ASTN2: variants seen among roughly 807,000 people sequenced by gnomAD.
The protein encoded by ASTN2 is astrotactin 2.
Under a neutral mutation model 139.8 loss-of-function variants are expected in ASTN2, and 54 were observed. That is an observed-to-expected ratio of 0.39 (90% CI 0.31 to 0.48). The LOEUF (loss-of-function observed/expected upper bound fraction) is 0.48. Among genes scored for constraint, ASTN2 ranks in the 20% least tolerant of loss-of-function variants. The pLI is 0.95. For missense variants in ASTN2, 1,565 were observed against 1,725.1 expected, an observed-to-expected ratio of 0.91 and a Z score of 1.64; for synonymous variants, 756 against 719.5, an observed-to-expected ratio of 1.05 and a Z score of -0.81.
At chr9:117,196,576 G>T (rs550281100) in intron 3 of ASTN2, among the ~76,000 whole-genome samples, 1 of 152,008 alleles carries the variant, frequency 6.6e-6, no homozygotes, top group Non-Finnish European at 1.5e-5. Context: ...TATCACTGTC[G>T]GCCATTGCTG....
chr9:116,676,538 G>A (rs896643480), intron 16 of ASTN2, among the ~76,000 whole-genome samples: 16 of 152,166 alleles, frequency 1.1e-4, no homozygotes, highest in Non-Finnish European at 1.5e-4. Context: ...GTGTCCTTAA[G>A]AGCTCAACCT....
At chr9:117,343,975 G>A (rs1166527538) in intron 1 of ASTN2, among the ~76,000 whole-genome samples, 3 of 152,112 alleles carry the variant, frequency 2.0e-5, no homozygotes. Flanking sequence ...GGGGATGAAG[G>A]AGCTGGAAAT....
At chr9:116,797,174 C>T (rs1413663478) in intron 13 of ASTN2, among the ~76,000 whole-genome samples, 4 of 152,064 alleles carry the variant, frequency 2.6e-5, no homozygotes, top group South Asian at 4.2e-4. Context: ...TATCTATGGC[C>T]TTGACGGTGG....
intron 13 of ASTN2, among the ~76,000 whole-genome samples, chr9:116,745,282 G>C (rs1248697298): frequency 6.6e-6 from 1 of 152,154 alleles, no homozygotes; most frequent in Non-Finnish European, 1.5e-5. Context: ...CATTCTCAAG[G>C]GTTAGGCAGA....
At chr9:117,205,274 T>G (rs1479444134) in intron 3 of ASTN2, among the ~76,000 whole-genome samples, 2 of 152,142 alleles carry the variant, frequency 1.3e-5, no homozygotes, top group African/African-American at 2.4e-5. Context: ...TTTGAGAGAA[T>G]CTCAGAAGTC....
intron 10 of ASTN2, among the ~76,000 whole-genome samples, chr9:116,870,695 G>T (rs528058442): frequency 6.6e-6 from 1 of 152,282 alleles, no homozygotes; most frequent in African/African-American, 2.4e-5. Context: ...GTACAAATGC[G>T]TCACCTGGAT....
chr9:116,495,163 C>T (rs190419817), intron 19 of ASTN2, among the ~76,000 whole-genome samples: 2 of 152,320 alleles, frequency 1.3e-5, no homozygotes, highest in Non-Finnish European at 2.9e-5. Flanking sequence ...CAAATACCTA[C>T]TGAGAGTTTC....
Position 116,790,249 on chromosome 9 carries a change from CTT to C in ASTN2, c.2396+15381_2396+15382del, listed in dbSNP as rs200755779. Among the ~76,000 whole-genome samples, 1,094 of 152,216 alleles carry C rather than the reference CTT, an allele frequency of 7.2e-3. 20 individuals are homozygous for C. Among genetic ancestry groups the C allele is most frequent in the African/African-American group, 0.025 (1,032 of 41,552 alleles). On this transcript the variant is annotated intron_variant, in intron 13 of 22. Transcript: ENST00000313400. Reference sequence around the variant, plus strand: ...CCTACCCTTACTTTTCTCATCACCTCTTTCTCCTCTTCATAATTCTCCTGTGA... The same window carrying C: ...CCTACCCTTACTTTTCTCATCACCTCTCTCCTCTTCATAATTCTCCTGTGA...
intron 6 of ASTN2, among the ~76,000 whole-genome samples, chr9:117,035,522 G>C (rs34490660): frequency 0.24 from 36,001 of 152,010 alleles, 5,107 homozygotes; most frequent in East Asian, 0.51. Flanking sequence ...AACTCCAGTA[G>C]TACAATTTAT....
rs181814937 is a variant in ASTN2, at chr9:116,867,507, G to T, written c.1890-3774C>A. Among the ~76,000 whole-genome samples the T allele has an allele frequency of 2.9e-3, 388 of 133,694 alleles. 2 individuals are homozygous for T. The highest frequency in any genetic ancestry group is 0.01 in the African/African-American group (354 of 34,738). 87.7% of individuals were successfully genotyped at this position (133,694 alleles called of 152,430 possible). ...GGAGCTTGCAGTGAGCCAAGATCGC[G>T]CCACTGCACTCCAGCCTGGGCGACA... On this transcript the variant is annotated intron_variant, in intron 10 of 22. Transcript: ENST00000313400.
chr9:116,937,690 C>G (rs1165812784), intron 10 of ASTN2, among the ~76,000 whole-genome samples: 6 of 151,974 alleles, frequency 3.9e-5, no homozygotes, highest in African/African-American at 1.5e-4. Flanking sequence ...AGGTTTAGGA[C>G]AAGAAAACAT....
chr9:116,569,323 T>C (rs1272875825), intron 19 of ASTN2, among the ~76,000 whole-genome samples: 1 of 152,252 alleles, frequency 6.6e-6, no homozygotes, highest in African/African-American at 2.4e-5. Context: ...AGAAGCATGG[T>C]GAACATCTGA....
chr9:116,781,911 G>A (rs1177442847), intron 13 of ASTN2, among the ~76,000 whole-genome samples: 3 of 151,888 alleles, frequency 2.0e-5, no homozygotes, highest in African/African-American at 7.2e-5. Flanking sequence ...ACAAGCAGAG[G>A]AACTGGATGT....
intron 17 of ASTN2, 57 bp from the exon 18 acceptor site, chr9:116,620,500 G>A: frequency 6.2e-7 from 1 of 1,606,336 alleles, no homozygotes; most frequent in South Asian, 1.1e-5. Flanking sequence ...GAGATTGAGA[G>A]TAAATGTGCT....
intron 12 of ASTN2, among the ~76,000 whole-genome samples, chr9:116,817,512 T>C (rs952390352): frequency 2.0e-5 from 3 of 151,988 alleles, no homozygotes; most frequent in African/African-American, 7.3e-5. Context: ...AACAGTGTTG[T>C]GAAAACTCCA....
At chr9:116,863,768 C>T (rs770352146) in intron 10 of ASTN2, 35 bp from the exon 11 acceptor site, 2 of 1,562,080 alleles carry the variant, frequency 1.3e-6, no homozygotes, top group Non-Finnish European at 1.7e-6. Context: ...ACCCCAGAGA[C>T]ATTTGGATCC....
intron 7 of ASTN2, among the ~76,000 whole-genome samples, chr9:117,007,319 T>A (rs191484664): frequency 4.6e-5 from 7 of 152,274 alleles, no homozygotes; most frequent in Non-Finnish European, 7.4e-5. Context: ...TACCTGCTTG[T>A]TTGACCACTG....
At chr9:117,357,160 G>A (rs998743444) in intron 1 of ASTN2, among the ~76,000 whole-genome samples, 15 of 152,246 alleles carry the variant, frequency 9.9e-5, no homozygotes, top group African/African-American at 3.6e-4. Flanking sequence ...CCTTTCAGGA[G>A]CCAACAGAAA....
intron 4 of ASTN2, among the ~76,000 whole-genome samples, chr9:117,115,377 C>T (rs1829357967): frequency 6.6e-6 from 1 of 151,942 alleles, no homozygotes; most frequent in Admixed American, 6.6e-5. Flanking sequence ...GTTAGCCAAG[C>T]ATGGGGGTGC....
Sources: gnomAD v4.1 joint callset for allele counts (sites outside exome capture counted in the v4.1 genomes callset) on GRCh38, gnomAD v4.1.1 for gene constraint, MANE v1.5 for transcripts, NCBI Gene and HGNC (gene_info 2026-07-23, HGNC 2026-07-21) for gene names.